C11orf65: variants seen among roughly 807,000 people sequenced by gnomAD.
C11orf65 encodes the protein chromosome 11 open reading frame 65, also known as protein MFI.
C11orf65 carries 38 observed loss-of-function variants against 35.3 expected under a neutral mutation model. The ratio of observed to expected loss-of-function variants is 1.08; its 90% confidence interval spans 0.83 to 1.41. The LOEUF is 1.41. Ranked by LOEUF, C11orf65 falls within the 40% of genes most tolerant of loss-of-function variation. The pLI is 0.00. For synonymous variants in C11orf65, 105 were observed against 114.4 expected, an observed-to-expected ratio of 0.92 and a Z score of 0.53; for missense variants, 370 against 367.1, an observed-to-expected ratio of 1.01 and a Z score of -0.06.
chr11:108,314,554 T>C (rs1353362668), intron 6 of C11orf65, among the ~76,000 whole-genome samples: 1 of 152,106 alleles, frequency 6.6e-6, no homozygotes, highest in Non-Finnish European at 1.5e-5. Context: ...ACTACAGTCC[T>C]CCTGTTGTCT....
intron 3 of C11orf65, among the ~76,000 whole-genome samples, chr11:108,423,369 C>T (rs1037846452): frequency 2.0e-5 from 3 of 152,146 alleles, no homozygotes; most frequent in Admixed American, 6.5e-5. Context: ...AGTCTGAAAT[C>T]GACCTGGGAC....
intron 1 of C11orf65, among the ~76,000 whole-genome samples, chr11:108,463,753 A>C (rs2093499544): frequency 6.6e-6 from 1 of 152,126 alleles, no homozygotes; most frequent in African/African-American, 2.4e-5. Flanking sequence ...CCACTCAATA[A>C]ATCATATTAT....
chr11:108,451,712 A>C (rs1010348801), intron 2 of C11orf65, among the ~76,000 whole-genome samples: 1 of 152,198 alleles, frequency 6.6e-6, no homozygotes, highest in African/African-American at 2.4e-5. Flanking sequence ...ATCCTAAGCC[A>C]AAAGAACAAA....
chr11:108,326,099 A>G lies in C11orf65; in HGVS notation c.641-17028T>C. 1 of 1,614,174 alleles carries G rather than the reference A, an allele frequency of 6.2e-7. No individual in the cohort carries two copies. Among genetic ancestry groups the G allele is most frequent in the Non-Finnish European group, 8.5e-7 (1 of 1,180,010 alleles). ...TATTTCAAATTAAACAGTACAATTC[A>G]GTTAGCTGTGGAGTCTCTGAGTGGC... On this transcript the variant is annotated intron_variant, in intron 6 of 6. Coordinates refer to the C11orf65 transcript ENST00000525729.
intron 6 of C11orf65, among the ~76,000 whole-genome samples, chr11:108,401,169 A>T (rs2092432127): frequency 6.6e-6 from 1 of 152,000 alleles, no homozygotes; most frequent in Non-Finnish European, 1.5e-5. Context: ...CCAAGCTATT[A>T]CTTCATAGCT....
chr11:108,441,286 A>G (rs1001951703), intron 2 of C11orf65, among the ~76,000 whole-genome samples: 3 of 152,216 alleles, frequency 2.0e-5, no homozygotes, highest in Non-Finnish European at 4.4e-5. Flanking sequence ...GGCGTCTGCC[A>G]TTGCTGAGGC....
At chr11:108,344,416 G>A (rs898917288) in intron 2 of C11orf65, among the ~76,000 whole-genome samples, 5 of 152,202 alleles carry the variant, frequency 3.3e-5, no homozygotes, top group Admixed American at 2.0e-4. Context: ...GTTTGAGGAA[G>A]AAAAGATGAG....
chr11:108,376,170 C>A (rs974574538), intron 2 of C11orf65, among the ~76,000 whole-genome samples: 4 of 152,120 alleles, frequency 2.6e-5, no homozygotes, highest in Non-Finnish European at 5.9e-5. Flanking sequence ...CACCCCAAAT[C>A]AACAGAATAT....
chr11:108,402,222 A>G (rs753954400), intron 6 of C11orf65, among the ~76,000 whole-genome samples: 6 of 151,990 alleles, frequency 3.9e-5, no homozygotes, highest in Non-Finnish European at 7.4e-5. Flanking sequence ...AGTCACTGAA[A>G]GGCTTTTATG....
At chr11:108,308,701 G>A in exon 7 of C11orf65, 1 of 307,060 alleles carries the variant, frequency 3.3e-6, no homozygotes, top group Non-Finnish European at 6.2e-6. Context: ...AAGAATGAGA[G>A]GGAGAGGTGA....
chr11:108,427,248 G>A (rs2092915404), intron 3 of C11orf65, among the ~76,000 whole-genome samples: 1 of 151,830 alleles, frequency 6.6e-6, no homozygotes, highest in African/African-American at 2.4e-5. Context: ...AGAATGAACA[G>A]GCAACCTACA....
At chr11:108,369,396 A>G (rs2091481608) in intron 2 of C11orf65, among the ~76,000 whole-genome samples, 1 of 152,224 alleles carries the variant, frequency 6.6e-6, no homozygotes, top group African/African-American at 2.4e-5. Flanking sequence ...TCTAGTTGAC[A>G]TTTCTAGCCT....
At chr11:108,424,412 G>A (rs1230612089) in intron 3 of C11orf65, among the ~76,000 whole-genome samples, 1 of 152,174 alleles carries the variant, frequency 6.6e-6, no homozygotes, top group African/African-American at 2.4e-5. Flanking sequence ...TATGTGAAAA[G>A]ACCAAACCTA....
chr11:108,322,610 G>C (rs1412924536), intron 6 of C11orf65, among the ~76,000 whole-genome samples: 1 of 152,182 alleles, frequency 6.6e-6, no homozygotes, highest in African/African-American at 2.4e-5. Context: ...AAATAGTATA[G>C]TTACTCAGGA....
chr11:108,331,963 C>T lies in C11orf65; in HGVS notation c.300-396G>A, dbSNP rs1472587727. On this transcript the variant is annotated intron_variant, in intron 3 of 3. Coordinates refer to the C11orf65 transcript ENST00000524755. The stretch of plus-strand genomic sequence containing the variant: ...AGCAAATGCAAACAGAGATGAATTT[C>T]TGACTAAACCAGAGGTAGCCAGAAG... The T allele has an allele frequency of 1.2e-6, 2 of 1,614,060 alleles. No individual in the cohort carries two copies. Among genetic ancestry groups the T allele is most frequent in the Non-Finnish European group, 1.7e-6 (2 of 1,179,994 alleles).
chr11:108,440,110 T>C lies in C11orf65; in HGVS notation c.82-8272A>G, dbSNP rs191268349. Among the ~76,000 whole-genome samples, 357 of 152,312 alleles carry C rather than the reference T, an allele frequency of 2.3e-3. 2 individuals are homozygous for C. Among genetic ancestry groups the C allele is most frequent in the Middle Eastern group, 6.8e-3 (2 of 294 alleles). ...GTGAAGAGGCTAAAGTGAGTTAACA[T>C]GTTATGAGCTTCTTACATTGTTCTG... is the stretch of plus-strand genomic sequence containing the variant. On this transcript the variant is annotated intron_variant, in intron 2 of 8. Transcript: ENST00000393084.
At chr11:108,312,577 T>C (rs2084269187) in intron 6 of C11orf65, 2 of 1,020,252 alleles carry the variant, frequency 2.0e-6, no homozygotes, top group African/African-American at 1.6e-5. Context: ...ACTGTACAGA[T>C]GCCATGTGAT....
chr11:108,461,864 T>A (rs1164612666), intron 1 of C11orf65, among the ~76,000 whole-genome samples: 1 of 152,014 alleles, frequency 6.6e-6, no homozygotes, highest in Admixed American at 6.6e-5. Context: ...GTCAAACACC[T>A]TCTGGCTTGG....
chr11:108,391,581 G>A (rs2092161940), intron 7 of C11orf65, among the ~76,000 whole-genome samples: 1 of 152,260 alleles, frequency 6.6e-6, no homozygotes, highest in South Asian at 2.1e-4. Flanking sequence ...GTTTCACCAT[G>A]TTGATCAGGC....
Sources: allele counts gnomAD v4.1 joint callset (sites outside exome capture counted in the v4.1 genomes callset), GRCh38; gene constraint gnomAD v4.1.1; transcripts MANE v1.5; gene names NCBI Gene and HGNC (gene_info 2026-07-23, HGNC 2026-07-21).